Variants in TRIP4 observed in about 807,000 individuals in gnomAD.
TRIP4 encodes activating signal cointegrator 1.
TRIP4 carries 54 observed loss-of-function variants against 81.8 expected under a neutral mutation model. That is an observed-to-expected ratio of 0.66 (90% CI 0.53 to 0.83). The LOEUF (loss-of-function observed/expected upper bound fraction) is 0.83. TRIP4 is among the 40% of genes least tolerant of loss of function. The pLI is 0.00. For missense variants in TRIP4, 662 were observed against 683.6 expected (o/e 0.97, Z 0.35); for synonymous variants, 270 against 242.8 (o/e 1.11, Z -1.04).
At chr15:64,388,795 T>C (rs867114175) in intron 1 of TRIP4, among the ~76,000 whole-genome samples, 1 of 152,216 alleles carries the variant, frequency 6.6e-6, no homozygotes. Context: ...GACAACTTAA[T>C]TTTTCTCTCT....
At chr15:64,422,307 T>C (rs1892038064) in intron 9 of TRIP4, among the ~76,000 whole-genome samples, 1 of 152,214 alleles carries the variant, frequency 6.6e-6, no homozygotes, top group Non-Finnish European at 1.5e-5. Context: ...TTCAGAGTGC[T>C]CTTTCCCCTC....
intron 5 of TRIP4, among the ~76,000 whole-genome samples, chr15:64,406,031 T>C (rs1212715804): frequency 6.6e-6 from 1 of 152,234 alleles, no homozygotes; most frequent in Non-Finnish European, 1.5e-5. Flanking sequence ...AGCAAATGTC[T>C]TCTTCACTGA....
intron 10 of TRIP4, 98 bp from the exon 11 acceptor site, chr15:64,425,442 A>C: frequency 9.4e-7 from 1 of 1,065,418 alleles, no homozygotes; most frequent in Middle Eastern, 2.3e-4. Flanking sequence ...GATAATGGAA[A>C]AAGTTATTAA....
intron 12 of TRIP4, among the ~76,000 whole-genome samples, chr15:64,447,036 G>A (rs1372312943): frequency 1.3e-5 from 2 of 152,054 alleles, no homozygotes; most frequent in Admixed American, 1.3e-4. Flanking sequence ...CCTGGGAGGC[G>A]GAGCTTACAG....
At chr15:64,405,217 C>T (rs943628373) in intron 5 of TRIP4, among the ~76,000 whole-genome samples, 2 of 150,540 alleles carry the variant, frequency 1.3e-5, no homozygotes, top group African/African-American at 2.4e-5. Context: ...TGCAGTGGCA[C>T]GGTCTCGGCT....
rs537507001 is a variant in TRIP4 at position 64,404,649 on chromosome 15, G to A, written c.698-1681G>A. ...TTAATGAGGTTGCACATGCCTCTAT[G>A]TTTTTTTCAATTAGATTTTAAGGTA... On this transcript the variant is annotated intron_variant, in intron 5 of 12. Coordinates refer to ENST00000261884, the MANE Select transcript of TRIP4 (RefSeq NM_016213.5). 2.0e-5 allele frequency among the ~76,000 whole-genome samples: 3 copies of A among 152,110 alleles called. No homozygotes were observed. The South Asian group carries it at 6.2e-4, about 32-fold the overall frequency.
chr15:64,407,177 A>T (rs963934070), intron 6 of TRIP4, among the ~76,000 whole-genome samples: 1 of 152,140 alleles, frequency 6.6e-6, no homozygotes, highest in Admixed American at 6.6e-5. Flanking sequence ...ATCTCTTGTA[A>T]CCTGAGAGTC....
At position 64,387,889 on chromosome 15, in the gene TRIP4, G is replaced by A. The variant is rs149273258; in HGVS notation, c.26G>A (p.Gly9Glu). Residue 9 changes from glycine (G) to glutamate (E), a missense_variant, in exon 1 of 13, where the codon GGG becomes GAG. Coordinates refer to ENST00000261884, the MANE Select transcript of TRIP4 (RefSeq NM_016213.5). MAVAGAVS[G>E]EPLVHWCTQQ... ...ATGGCGGTGGCTGGGGCGGTGTCCGGGGAGCCGCTGGTGCACTGGTGCACC... is the reference window on the plus strand; with the variant it reads ...ATGGCGGTGGCTGGGGCGGTGTCCGAGGAGCCGCTGGTGCACTGGTGCACC... The A allele has an allele frequency of 2.4e-5, 37 of 1,548,972 alleles. No homozygotes were observed. The African/African-American group carries it at 4.8e-4, about 20-fold the overall frequency.
intron 11 of TRIP4, among the ~76,000 whole-genome samples, chr15:64,427,901 A>G (rs1892184042): frequency 6.6e-6 from 1 of 151,946 alleles, no homozygotes. Context: ...TGCCTGCACT[A>G]TCCCTCTGAG....
chr15:64,423,724 A>G (rs1459980626), intron 9 of TRIP4, among the ~76,000 whole-genome samples: 1 of 152,116 alleles, frequency 6.6e-6, no homozygotes, highest in Middle Eastern at 3.2e-3. Context: ...TTTGTATTGG[A>G]GAAGCACCAA....
At chr15:64,410,771 AT>A (rs1158218800) in intron 7 of TRIP4, among the ~76,000 whole-genome samples, 5 of 152,208 alleles carry the variant, frequency 3.3e-5, no homozygotes, top group Non-Finnish European at 7.3e-5. Context: ...TTGGAAGAAA[AT>A]ATTTTAAGTG....
At chr15:64,443,068 A>G (rs1486647413) in intron 11 of TRIP4, among the ~76,000 whole-genome samples, 1 of 152,182 alleles carries the variant, frequency 6.6e-6, no homozygotes, top group African/African-American at 2.4e-5. Flanking sequence ...GACCTTTACA[A>G]GAATGATTTT....
At chr15:64,401,348 G>C (rs927546657) in intron 5 of TRIP4, among the ~76,000 whole-genome samples, 1 of 152,076 alleles carries the variant, frequency 6.6e-6, no homozygotes, top group Admixed American at 6.6e-5. Context: ...TGTTAGCCAG[G>C]ATGGTCTTGA....
Position 64,449,990 on chromosome 15 carries a change from G to C in TRIP4, c.1678+4882G>C, listed in dbSNP as rs570101264. Among the ~76,000 whole-genome samples the C allele has an allele frequency of 1.9e-4, 29 of 152,274 alleles. No homozygotes were observed. In the South Asian group the frequency reaches 6.0e-3, roughly 32 times the overall value. On this transcript the variant is annotated intron_variant, in intron 12 of 12. Transcript: ENST00000261884. ...ATGTGGTTTAACACTGAAACGATTA[G>C]GTACTAAATGTAAAAATATTGGGGA...
chr15:64,414,559 C>T (rs1197218074), intron 8 of TRIP4, among the ~76,000 whole-genome samples: 1 of 138,074 alleles, frequency 7.2e-6, no homozygotes, highest in Non-Finnish European at 1.5e-5. Flanking sequence ...CTCTGTTGCC[C>T]AGGCTGGAGT....
Position 64,395,530 on chromosome 15 carries a change from A to G in TRIP4, c.404A>G (p.Lys135Arg), listed in dbSNP as rs754578898. Residue 135 changes from lysine to arginine, a missense_variant and splice_region_variant, in exon 3 of 13, where the codon AAG becomes AGG. Transcript: ENST00000261884. ...GTTAAAACACCTTTTGATTTGGCCA[A>G]GGTGAGTGCTTATAGATTGAAGCTT... is the stretch of plus-strand genomic sequence containing the variant. ...AEVKTPFDLAKAQENSNSVKK... is the reference protein window; with the variant it reads ...AEVKTPFDLARAQENSNSVKK... The G allele has an allele frequency of 1.2e-6, 2 of 1,608,144 alleles. No individual in the cohort carries two copies. The highest frequency in any genetic ancestry group is 1.7e-5 in the Admixed American group (1 of 59,000).
chr15:64,414,104 G>A lies in TRIP4; in HGVS notation c.1063G>A (p.Ala355Thr), dbSNP rs1034347481. The change falls in exon 8 of 13, where the codon GCC becomes ACC. Residue 355 changes from alanine to threonine, a missense_variant. Ala to Thr is a moderately conservative substitution (Grantham distance 58). Coordinates refer to ENST00000261884, the MANE Select transcript of TRIP4 (RefSeq NM_016213.5). ...TCACAGACTAGATGAGACAATACAG[G>A]CCATTGCCAATGGAACCTTGAACCA... ...YHSRLDETIQAIANGTLNQPL... is the reference protein window; with the variant it reads ...YHSRLDETIQTIANGTLNQPL... 3 of 1,613,924 alleles carry A rather than the reference G, an allele frequency of 1.9e-6. No homozygotes were observed. Among genetic ancestry groups the A allele is most frequent in the African/African-American group, 2.7e-5 (2 of 74,886 alleles).
intron 4 of TRIP4, among the ~76,000 whole-genome samples, chr15:64,398,568 T>C (rs1429957069): frequency 6.6e-6 from 1 of 151,358 alleles, no homozygotes; most frequent in East Asian, 1.9e-4. Flanking sequence ...AGACAGCGAG[T>C]CCTTATCTCA....
At chr15:64,441,732 C>A (rs1320576702) in intron 11 of TRIP4, among the ~76,000 whole-genome samples, 2 of 151,964 alleles carry the variant, frequency 1.3e-5, no homozygotes, top group Non-Finnish European at 2.9e-5. Flanking sequence ...AAGATTGCCC[C>A]ACTGCACTCC....
Sources: allele counts gnomAD v4.1 joint callset (sites outside exome capture counted in the v4.1 genomes callset), GRCh38; gene constraint gnomAD v4.1.1; transcripts MANE v1.5; gene names NCBI Gene and HGNC (gene_info 2026-07-23, HGNC 2026-07-21).